The following NRG3 variants were observed in gnomAD, a reference collection of about 807,000 sequenced individuals.
The protein encoded by NRG3 is pro-neuregulin-3, membrane-bound isoform.
In NRG3, 31 loss-of-function variants were observed where a neutral mutation model predicts 66.9. That is an observed-to-expected ratio of 0.46 (90% confidence interval 0.35 to 0.63). NRG3 has a LOEUF of 0.63. Ranked by LOEUF, NRG3 falls within the 20% of genes least tolerant of loss-of-function variation. The probability of loss-of-function intolerance (pLI) is 0.00; values close to 1 mark genes in which losing one functional copy is unlikely to be tolerated. For missense variants in NRG3, 910 were observed against 878.9 expected, an observed-to-expected ratio of 1.04 and a Z score of -0.45; for synonymous variants, 393 against 359.4, an observed-to-expected ratio of 1.09 and a Z score of -1.06.
At chr10:82,878,113 G>T (rs2136037844) in intron 4 of NRG3, among the ~76,000 whole-genome samples, 1 of 152,268 alleles carries the variant, frequency 6.6e-6, no homozygotes, top group South Asian at 2.1e-4. Flanking sequence ...TATTTCTACA[G>T]TTAGTAGCTG....
intron 2 of NRG3, among the ~76,000 whole-genome samples, chr10:82,566,071 A>G (rs1474206275): frequency 6.6e-6 from 1 of 152,072 alleles, no homozygotes; most frequent in African/African-American, 2.4e-5. Context: ...TACTGTGATG[A>G]AAAAATAGGA....
chr10:82,923,604 G>T (rs147129452), intron 4 of NRG3, among the ~76,000 whole-genome samples: 115 of 152,272 alleles, frequency 7.6e-4, no homozygotes, highest in African/African-American at 2.7e-3. Context: ...ATAAATAAAT[G>T]ATTTGGTAAA....
chr10:82,390,255 A>G (rs1379428243), intron 2 of NRG3, among the ~76,000 whole-genome samples: 1 of 151,888 alleles, frequency 6.6e-6, no homozygotes, highest in Non-Finnish European at 1.5e-5. Context: ...CTTTAATGGC[A>G]TTTCCCTATG....
At chr10:82,634,334 C>T (rs2133755481) in intron 2 of NRG3, among the ~76,000 whole-genome samples, 2 of 152,172 alleles carry the variant, frequency 1.3e-5, no homozygotes, top group Non-Finnish European at 2.9e-5. Flanking sequence ...TGTACATGTA[C>T]ACATGTGTTT....
chr10:82,730,957 A>G (rs763035871), intron 2 of NRG3, among the ~76,000 whole-genome samples: 10 of 152,046 alleles, frequency 6.6e-5, no homozygotes, highest in Non-Finnish European at 7.4e-5. Context: ...TACATTTCCT[A>G]TCTCCTTGAC....
chr10:82,812,735 C>T (rs116184448), intron 3 of NRG3, among the ~76,000 whole-genome samples: 1 of 152,042 alleles, frequency 6.6e-6, no homozygotes, highest in African/African-American at 2.4e-5. Flanking sequence ...ATTGAGAAAC[C>T]TGGCTTATCA....
At chr10:82,921,475 A>G (rs947854538) in intron 4 of NRG3, among the ~76,000 whole-genome samples, 8 of 152,180 alleles carry the variant, frequency 5.3e-5, no homozygotes, top group African/African-American at 1.9e-4. Flanking sequence ...GTGTTGATTC[A>G]TTCATTGTGA....
At chr10:82,777,318 G>A (rs879595623) in intron 3 of NRG3, among the ~76,000 whole-genome samples, 1 of 152,118 alleles carries the variant, frequency 6.6e-6, no homozygotes, top group Non-Finnish European at 1.5e-5. Flanking sequence ...TTTACCCACA[G>A]TAGAGAGACT....
chr10:82,347,210 A>G (rs955963483), intron 1 of NRG3, among the ~76,000 whole-genome samples: 4 of 147,428 alleles, frequency 2.7e-5, no homozygotes, highest in Admixed American at 6.7e-5. Context: ...ATTTAGTGCT[A>G]TAAATTTCCC....
intron 2 of NRG3, among the ~76,000 whole-genome samples, chr10:82,501,673 TTC>T (rs779326823): frequency 4.6e-5 from 7 of 152,138 alleles, no homozygotes; most frequent in Non-Finnish European, 8.8e-5. Flanking sequence ...TACCATGTCT[TTC>T]TCTCTTTCCT....
intron 1 of NRG3, among the ~76,000 whole-genome samples, chr10:82,150,537 A>C (rs1333449190): frequency 3.3e-5 from 5 of 150,206 alleles, no homozygotes; most frequent in Non-Finnish European, 5.9e-5. Context: ...ACACAAAAAA[A>C]AAAAAAAAAA....
At chr10:82,276,824 T>C (rs1330866247) in intron 1 of NRG3, among the ~76,000 whole-genome samples, 1 of 152,050 alleles carries the variant, frequency 6.6e-6, no homozygotes, top group Admixed American at 6.6e-5. Context: ...TCAAAATACT[T>C]TTTAATTGAA....
At chr10:82,336,015 T>C (rs1156440487) in intron 1 of NRG3, among the ~76,000 whole-genome samples, 1 of 152,164 alleles carries the variant, frequency 6.6e-6, no homozygotes, top group Non-Finnish European at 1.5e-5. Flanking sequence ...CAAAAAGCCA[T>C]AGACAATGCA....
chr10:82,385,386 TAAC>T (rs1340564214), intron 2 of NRG3, among the ~76,000 whole-genome samples: 1 of 152,130 alleles, frequency 6.6e-6, no homozygotes, highest in Non-Finnish European at 1.5e-5. Context: ...CAATCAAGAA[TAAC>T]AATAATAGCT....
intron 1 of NRG3, among the ~76,000 whole-genome samples, chr10:82,007,792 A>G (rs1405617525): frequency 2.6e-5 from 4 of 152,198 alleles, no homozygotes; most frequent in African/African-American, 9.6e-5. Flanking sequence ...TTATGAAACA[A>G]TACCTATTTA....
chr10:82,897,301 T>C (rs901013719), intron 4 of NRG3, among the ~76,000 whole-genome samples: 2 of 152,110 alleles, frequency 1.3e-5, no homozygotes, highest in African/African-American at 4.8e-5. Context: ...ACAGAATAAT[T>C]TTCAGTACAA....
At chr10:81,975,523 G>C (rs1459508711) in intron 1 of NRG3, among the ~76,000 whole-genome samples, 1 of 152,068 alleles carries the variant, frequency 6.6e-6, no homozygotes, top group Non-Finnish European at 1.5e-5. Context: ...CCAGCAACGA[G>C]TGGGAAAGTG....
At chr10:82,184,647 A>G (rs897881991) in intron 1 of NRG3, among the ~76,000 whole-genome samples, 1 of 152,142 alleles carries the variant, frequency 6.6e-6, no homozygotes, top group Non-Finnish European at 1.5e-5. Flanking sequence ...TCTGGAGACA[A>G]TTAATTCCTC....
At chr10:82,633,413 C>T (rs2049978230) in intron 2 of NRG3, among the ~76,000 whole-genome samples, 1 of 152,166 alleles carries the variant, frequency 6.6e-6, no homozygotes, top group South Asian at 2.1e-4. Flanking sequence ...TTGTACGACA[C>T]AGTCACAAAT....
Sources: allele counts gnomAD v4.1 joint callset (sites outside exome capture counted in the v4.1 genomes callset), GRCh38; gene constraint gnomAD v4.1.1; transcripts MANE v1.5; gene names NCBI Gene and HGNC (gene_info 2026-07-23, HGNC 2026-07-21).